Variants in KDM3B observed in about 807,000 individuals in gnomAD.
The protein encoded by KDM3B is lysine demethylase 3B, also known as lysine-specific demethylase 3B.
Under a neutral mutation model 170.0 loss-of-function variants are expected in KDM3B, and 10 were observed. That is an observed-to-expected ratio of 0.06 (90% CI 0.04 to 0.10). The LOEUF (loss-of-function observed/expected upper bound fraction) is 0.10. KDM3B is among the 10% of genes least tolerant of loss of function. The pLI, the probability that KDM3B is intolerant of heterozygous loss-of-function variation, is 1.00. For synonymous variants in KDM3B, 831 were observed against 834.8 expected (o/e 1.00, Z 0.08); for missense variants, 1,394 against 2,195.2 (o/e 0.64, Z 7.29).
At chr5:138,387,942 G>A (rs1244265268) in intron 7 of KDM3B, among the ~76,000 whole-genome samples, 13 of 152,074 alleles carry the variant, frequency 8.5e-5, no homozygotes, top group South Asian at 2.1e-4. Context: ...TTAGCCGGGC[G>A]TGGCGGCGTG....
intron 11 of KDM3B, among the ~76,000 whole-genome samples, chr5:138,413,491 G>C (rs1763026845): frequency 6.6e-6 from 1 of 152,030 alleles, no homozygotes; most frequent in African/African-American, 2.4e-5. Flanking sequence ...ACTTTGGAAA[G>C]CAAGAAGGTC....
At chr5:138,380,552 C>G (rs891525396) in intron 5 of KDM3B, among the ~76,000 whole-genome samples, 3 of 151,664 alleles carry the variant, frequency 2.0e-5, no homozygotes, top group African/African-American at 7.3e-5. Flanking sequence ...CATGACTAAT[C>G]TAAAATTGAT....
intron 7 of KDM3B, among the ~76,000 whole-genome samples, chr5:138,387,300 T>C (rs1278795542): frequency 1.3e-5 from 2 of 152,194 alleles, no homozygotes; most frequent in South Asian, 2.1e-4. Flanking sequence ...CAGTATAATA[T>C]ATTCTTTTTG....
intron 1 of KDM3B, among the ~76,000 whole-genome samples, chr5:138,371,207 C>G (rs1400928806): frequency 6.6e-6 from 1 of 152,130 alleles, no homozygotes; most frequent in East Asian, 1.9e-4. Flanking sequence ...CGCCTGTAAT[C>G]CCAGCACTTT....
At chr5:138,370,363 A>G (rs1761842531) in intron 1 of KDM3B, among the ~76,000 whole-genome samples, 1 of 152,186 alleles carries the variant, frequency 6.6e-6, no homozygotes, top group African/African-American at 2.4e-5. Flanking sequence ...GTTCACAAGT[A>G]TTTGTTGCCT....
intron 11 of KDM3B, among the ~76,000 whole-genome samples, chr5:138,414,013 C>G (rs2126982638): frequency 6.6e-6 from 1 of 152,224 alleles, no homozygotes; most frequent in South Asian, 2.1e-4. Flanking sequence ...ACATTGCTGC[C>G]ATGGAATACT....
chr5:138,401,638 A>G (rs148204481), intron 11 of KDM3B, among the ~76,000 whole-genome samples: 6 of 152,312 alleles, frequency 3.9e-5, no homozygotes, highest in Non-Finnish European at 5.9e-5. Flanking sequence ...ATATATATAC[A>G]TGTAGGAGTG....
intron 1 of KDM3B, among the ~76,000 whole-genome samples, chr5:138,357,653 C>T (rs1298883552): frequency 6.6e-6 from 1 of 152,162 alleles, no homozygotes; most frequent in Non-Finnish European, 1.5e-5. Context: ...AGCCACCATG[C>T]CCAGCCAACA....
At chr5:138,357,195 C>T (rs1386177028) in intron 1 of KDM3B, among the ~76,000 whole-genome samples, 1 of 151,946 alleles carries the variant, frequency 6.6e-6, no homozygotes, top group African/African-American at 2.4e-5. Flanking sequence ...CCATGTTGCC[C>T]AGGCTGGTCT....
intron 12 of KDM3B, among the ~76,000 whole-genome samples, chr5:138,415,769 T>C (rs937550960): frequency 6.6e-6 from 1 of 152,012 alleles, no homozygotes; most frequent in African/African-American, 2.4e-5. Flanking sequence ...TCTTTAGATA[T>C]GTGTTAGTGT....
At chr5:138,403,677 CAAAAAAA>C (rs35608823) in intron 11 of KDM3B, among the ~76,000 whole-genome samples, 1 of 132,240 alleles carries the variant, frequency 7.6e-6, no homozygotes, top group Non-Finnish European at 1.6e-5. Flanking sequence ...AACTCTGTCT[CAAAAAAA>C]AAAAAAAAGA....
At chr5:138,384,584 A>C (rs1017966769) in intron 6 of KDM3B, among the ~76,000 whole-genome samples, 1 of 151,130 alleles carries the variant, frequency 6.6e-6, no homozygotes, top group South Asian at 2.1e-4. Flanking sequence ...CTAAAAATAC[A>C]AAAAATTAGC....
At position 138,401,099 on chromosome 5, in the gene KDM3B, T is replaced by C. The variant is rs958731122; in HGVS notation, c.3199+1087T>C. Among the ~76,000 whole-genome samples the C allele has an allele frequency of 2.6e-5, 4 of 151,984 alleles. No homozygotes were observed. In the East Asian group the frequency reaches 7.7e-4, roughly 29 times the overall value. ...CAGCCTGGCCAATATGGTGAAACCC[T>C]GTCTCTACTAAAAATACAAAAATTA... On this transcript the variant is annotated intron_variant, in intron 11 of 23. Coordinates refer to ENST00000314358, the MANE Select transcript of KDM3B (RefSeq NM_016604.4).
intron 12 of KDM3B, among the ~76,000 whole-genome samples, chr5:138,416,361 G>A (rs551913444): frequency 3.3e-5 from 5 of 151,954 alleles, no homozygotes; most frequent in Admixed American, 1.3e-4. Context: ...AGGTTGAGGC[G>A]GGTGAATCAC....
chr5:138,376,166 CG>C (rs1166952604), intron 3 of KDM3B, among the ~76,000 whole-genome samples: 1 of 150,060 alleles, frequency 6.7e-6, no homozygotes, highest in Non-Finnish European at 1.5e-5. Flanking sequence ...TTAGTAGAGA[CG>C]GGGTTTTGCC....
chr5:138,357,008 A>G (rs765273684), intron 1 of KDM3B, among the ~76,000 whole-genome samples: 386 of 151,008 alleles, frequency 2.6e-3, no homozygotes, highest in Non-Finnish European at 3.3e-3. Context: ...TATCAGAATT[A>G]TCGGGCCTCT....
intron 23 of KDM3B, among the ~76,000 whole-genome samples, chr5:138,433,844 T>A (rs1763602164): frequency 6.6e-6 from 1 of 152,074 alleles, no homozygotes; most frequent in South Asian, 2.1e-4. Context: ...GTTCAAGCGA[T>A]TCTCCTGCCT....
chr5:138,386,706 G>A (rs1762272962), intron 7 of KDM3B, 85 bp downstream of exon 7: 3 of 1,507,082 alleles, frequency 2.0e-6, no homozygotes, highest in Admixed American at 4.1e-5. Flanking sequence ...ACATTCAAGT[G>A]CCCCAGGGAA....
chr5:138,407,201 G>A (rs1467521735), intron 11 of KDM3B, among the ~76,000 whole-genome samples: 1 of 151,848 alleles, frequency 6.6e-6, no homozygotes, highest in East Asian at 1.9e-4. Context: ...GGTCAGGCAG[G>A]TTTCGAACTC....
Sources: allele counts gnomAD v4.1 joint callset (sites outside exome capture counted in the v4.1 genomes callset), GRCh38; gene constraint gnomAD v4.1.1; transcripts MANE v1.5; gene names NCBI Gene and HGNC (gene_info 2026-07-23, HGNC 2026-07-21).